IFT80: variants seen among roughly 807,000 people sequenced by gnomAD.
IFT80 encodes the protein intraflagellar transport 80.
IFT80 carries 79 observed loss-of-function variants against 107.9 expected under a neutral mutation model. That is an observed-to-expected ratio of 0.73 (90% CI 0.61 to 0.88). The LOEUF (loss-of-function observed/expected upper bound fraction) is 0.88, where lower values mean the gene tolerates loss of function less well. Ranked by LOEUF, IFT80 falls within the 40% of genes least tolerant of loss-of-function variation. The probability of loss-of-function intolerance (pLI) is 0.00; values close to 1 mark genes in which losing one functional copy is unlikely to be tolerated. For synonymous variants in IFT80, 299 were observed against 300.9 expected (o/e 0.99, Z 0.07); for missense variants, 797 against 914.2 (o/e 0.87, Z 1.65).
intron 9 of IFT80, among the ~76,000 whole-genome samples, chr3:160,313,929 C>T (rs911315660): frequency 1.3e-5 from 2 of 151,944 alleles, no homozygotes; most frequent in African/African-American, 2.4e-5. Flanking sequence ...TTTTAAAATA[C>T]ACCTATTACT....
chr3:160,357,510 A>C lies in IFT80; in HGVS notation c.618T>G (p.Ala206=), dbSNP rs1721179995. The C allele has an allele frequency of 1.3e-6, 2 of 1,572,618 alleles. No homozygotes were observed. The highest frequency in any genetic ancestry group is 1.8e-6 in the Non-Finnish European group (2 of 1,142,812). ...WNSVNDLILS[A]GEDCKYKVWD... ...ATACCTTATATTTACAGTCTTCACC[A>C]GCAGATAAAATAAGATCATTGACCG... Residue 206 remains alanine (A), a synonymous_variant, in exon 7 of 20, where the codon GCT becomes GCG. Transcript: ENST00000326448.
chr3:160,307,749 T>C lies in IFT80; in HGVS notation c.990A>G (p.Leu330=). ...TAATGACTCTATCACGGAATTCCAG[T>C]AAATCCACTGCATCATTAAGAACAT... ...VRNVLNDAVD[L]LEFRDRVIKA... The change falls in exon 10 of 20, where the codon TTA becomes TTG. Residue 330 remains leucine, a synonymous_variant. Transcript: ENST00000326448. 6.3e-7 allele frequency: 1 copy of C among 1,596,256 alleles called. No individual in the cohort carries two copies. Among genetic ancestry groups the C allele is most frequent in the Non-Finnish European group, 8.6e-7 (1 of 1,163,884 alleles).
At chr3:160,314,101 T>C (rs1461686673) in intron 9 of IFT80, among the ~76,000 whole-genome samples, 1 of 152,204 alleles carries the variant, frequency 6.6e-6, no homozygotes, top group East Asian at 1.9e-4. Flanking sequence ...ATAATCATAA[T>C]CATAGCAATA....
intron 8 of IFT80, among the ~76,000 whole-genome samples, chr3:160,346,658 A>G (rs1228146189): frequency 2.0e-5 from 3 of 151,086 alleles, no homozygotes; most frequent in Non-Finnish European, 4.4e-5. Context: ...TTTCCAAACT[A>G]TTTTTGCAGA....
intron 8 of IFT80, among the ~76,000 whole-genome samples, chr3:160,345,673 G>A (rs1027895905): frequency 5.2e-5 from 7 of 133,882 alleles, no homozygotes; most frequent in Non-Finnish European, 9.3e-5. Context: ...CAGCCTTGGC[G>A]AGAGAGCAAG....
chr3:160,356,101 T>C lies in IFT80; in HGVS notation c.689A>G (p.His230Arg). The change falls in exon 8 of 20, where the codon CAT (histidine) becomes CGT (arginine). Residue 230 changes from histidine (H) to arginine (R), a missense_variant. His to Arg is a conservative substitution (Grantham distance 29). Transcript: ENST00000326448. ...RPLYNSQPHE[H>R]PITSVAWAPD... ...AGCCCAGGCAACTGAAGTAATGGGATGCTCATGAGGTTGTGAATTGTACAG... is the reference window on the plus strand; with the variant it reads ...AGCCCAGGCAACTGAAGTAATGGGACGCTCATGAGGTTGTGAATTGTACAG... 3 of 1,614,206 alleles carry C rather than the reference T, an allele frequency of 1.9e-6. No individual in the cohort carries two copies. Among genetic ancestry groups the C allele is most frequent in the Non-Finnish European group, 1.7e-6 (2 of 1,180,008 alleles).
intron 8 of IFT80, among the ~76,000 whole-genome samples, chr3:160,324,051 C>T (rs531284815): frequency 7.2e-5 from 11 of 152,234 alleles, no homozygotes; most frequent in East Asian, 1.9e-4. Context: ...AATTCCTCGA[C>T]GCATACACTC....
chr3:160,318,591 T>C (rs925116625), intron 9 of IFT80, among the ~76,000 whole-genome samples: 2 of 152,058 alleles, frequency 1.3e-5, no homozygotes, highest in Admixed American at 6.6e-5. Flanking sequence ...GCCATGAAGA[T>C]ACTTGTGCCC....
At chr3:160,353,318 G>A (rs577146699) in intron 8 of IFT80, among the ~76,000 whole-genome samples, 156 of 152,186 alleles carry the variant, frequency 1.0e-3, no homozygotes, top group African/African-American at 3.5e-3. Flanking sequence ...CAGTATAACC[G>A]GAACTGCTCT....
chr3:160,303,436 A>G (rs758035714), intron 11 of IFT80, among the ~76,000 whole-genome samples: 5 of 152,192 alleles, frequency 3.3e-5, no homozygotes, highest in African/African-American at 9.7e-5. Context: ...GTCACAGACC[A>G]GTAGGCCCAT....
intron 1 of IFT80, among the ~76,000 whole-genome samples, chr3:160,388,113 G>T (rs1218427999): frequency 1.3e-5 from 2 of 152,012 alleles, no homozygotes; most frequent in African/African-American, 2.4e-5. Flanking sequence ...AGGACAATTA[G>T]CCGCATGCTA....
Position 160,344,065 on chromosome 3 carries a change from A to G in IFT80, c.777+11948T>C, listed in dbSNP as rs150349919. On this transcript the variant is annotated intron_variant, in intron 8 of 19. Transcript: ENST00000326448. ...GCTGTACCAGTTAATGTTCCCATCA[A>G]TGTTCTACAAGGAGCCCCATTTTCC... 2.6e-5 allele frequency among the ~76,000 whole-genome samples: 4 copies of G among 152,326 alleles called. No homozygotes were observed. In the East Asian group the frequency reaches 5.8e-4, roughly 22 times the overall value.
intron 12 of IFT80, among the ~76,000 whole-genome samples, chr3:160,289,175 G>A (rs1380381373): frequency 6.6e-6 from 1 of 152,174 alleles, no homozygotes; most frequent in Non-Finnish European, 1.5e-5. Context: ...GATGGAGCTG[G>A]AGGCCATCAT....
chr3:160,291,431 C>T (rs1014250265), intron 12 of IFT80, among the ~76,000 whole-genome samples: 14 of 152,176 alleles, frequency 9.2e-5, no homozygotes, highest in Non-Finnish European at 1.5e-4. Context: ...ATGAGTCTAC[C>T]TGCTCTGATG....
At chr3:160,302,447 T>A (rs1716503749) in intron 11 of IFT80, among the ~76,000 whole-genome samples, 1 of 152,092 alleles carries the variant, frequency 6.6e-6, no homozygotes, top group Non-Finnish European at 1.5e-5. Context: ...TTCCTTTGTC[T>A]CAGTCTAAAA....
At chr3:160,294,219 C>CT (rs374390188) in intron 12 of IFT80, among the ~76,000 whole-genome samples, 7 of 151,486 alleles carry the variant, frequency 4.6e-5, no homozygotes, top group South Asian at 2.1e-4. Flanking sequence ...TTGTCCTTAA[C>CT]TTTTTTTTTC....
At chr3:160,312,227 G>A (rs1044048517) in intron 9 of IFT80, among the ~76,000 whole-genome samples, 4 of 152,026 alleles carry the variant, frequency 2.6e-5, no homozygotes, top group Non-Finnish European at 4.4e-5. Context: ...TGAGCAGGCC[G>A]CTGACTGCAG....
intron 12 of IFT80, 94 bp downstream of exon 12, chr3:160,300,789 A>T: frequency 1.1e-6 from 1 of 929,146 alleles, no homozygotes; most frequent in Non-Finnish European, 1.7e-6. Flanking sequence ...AAGCTGATGT[A>T]CTGGTAGATA....
At chr3:160,270,325 CTAAA>C (rs1010385309) in intron 18 of IFT80, among the ~76,000 whole-genome samples, 16 of 152,170 alleles carry the variant, frequency 1.1e-4, no homozygotes, top group Admixed American at 2.0e-4. Context: ...ATTGATCAAA[CTAAA>C]TAGTCACTTT....
Sources: gnomAD v4.1 joint callset for allele counts (sites outside exome capture counted in the v4.1 genomes callset) on GRCh38, gnomAD v4.1.1 for gene constraint, MANE v1.5 for transcripts, NCBI Gene and HGNC (gene_info 2026-07-23, HGNC 2026-07-21) for gene names.